LMF2: variants seen among roughly 807,000 people sequenced by gnomAD.
The protein encoded by LMF2 is transmembrane protein 112B.
LMF2 carries 113 observed loss-of-function variants against 81.5 expected under a neutral mutation model. The observed-to-expected ratio is 1.39, with a 90% CI of 1.19 to 1.62. LMF2 has a LOEUF of 1.62. Among genes scored for constraint, LMF2 ranks in the 40% most tolerant of loss-of-function variants. LMF2 has a pLI of 0.00. For missense variants in LMF2, 1,235 were observed against 929.1 expected, an observed-to-expected ratio of 1.33 and a Z score of -4.28; for synonymous variants, 645 against 424.5, an observed-to-expected ratio of 1.52 and a Z score of -6.39.
rs1045747247 is a variant in LMF2, at chr22:50,505,533, C to G, written c.921G>C (p.Trp307Cys). ...ACAGGGTGGCCAGCAGGGCCTTGGG[C>G]CAGGCTGTGGGGCAGGACAGTCATG... The part of the protein sequence containing the change: ...HGSRKKTATS[W>C]PKALLATLSL... The change falls in exon 7 of 14, where the codon TGG (tryptophan) becomes TGC (cysteine). Residue 307 changes from tryptophan (W) to cysteine (C), a missense_variant. Physicochemically the swap from Trp to Cys is radical, Grantham distance 215. Transcript: ENST00000474879. 3.7e-6 allele frequency: 6 copies of G among 1,612,414 alleles called. No homozygotes were observed. In the South Asian group the frequency reaches 6.6e-5, roughly 18 times the overall value.
chr22:50,504,800 A>G lies in LMF2; in HGVS notation c.1437+2T>C, dbSNP rs746700513. The G allele has an allele frequency of 2.3e-5, 37 of 1,604,088 alleles. No homozygotes were observed. In the East Asian group the frequency reaches 8.1e-4, roughly 35 times the overall value. On this transcript the variant is annotated splice_donor_variant, in intron 10 of 13. Coordinates refer to ENST00000474879, the MANE Select transcript of LMF2 (RefSeq NM_033200.3). LOFTEE classifies it high-confidence loss of function. The stretch of plus-strand genomic sequence containing the variant: ...CACCCTGCCCGCCCTGGGAGGGCTC[A>G]CCGTCCAGTGGTGGCCGTCGTAACT...
In LMF2 at chr22:50,505,063, A is replaced by C; in HGVS notation, c.1248T>G (p.Ile416Met). 6.2e-7 allele frequency: 1 copy of C among 1,612,940 alleles called. No homozygotes were observed. The highest frequency in any genetic ancestry group is 1.1e-5 in the South Asian group (1 of 91,086). Residue 416 changes from isoleucine to methionine, a missense_variant, in exon 9 of 14, where the codon ATT becomes ATG. By Grantham distance (10) the Ile-to-Met change is conservative. Transcript: ENST00000474879. Reference protein sequence around the residue: ...VGTATVALFLISLVPYSYVEP... With the variant: ...VGTATVALFLMSLVPYSYVEP... ...GCCCTGCAGCGCTACCCACCAGGCT[A>C]ATCAGGAACAAGGCCACGGTCGCAG...
rs779910173 is a variant in LMF2 at position 50,507,702 on chromosome 22, G to C, written c.-27C>G. On this transcript the variant is annotated 5_prime_UTR_variant, in exon 1 of 14. Transcript: ENST00000474879. ...TCCGCTACGCGGCCCGCTAGAGCAG[G>C]GCCCGCCCTCCGCGTCCGCCCGCCC... 45 of 1,515,396 alleles carry C rather than the reference G, an allele frequency of 3.0e-5. No individual in the cohort carries two copies. Among genetic ancestry groups the C allele is most frequent in the Non-Finnish European group, 3.9e-5 (44 of 1,129,512 alleles). The allele number at this position is 1,515,396 out of a possible 1,614,324, so 93.9% of individuals were successfully genotyped here.
Position 50,503,115 on chromosome 22 carries a change from A to G in LMF2, c.*276T>C. Reference sequence around the variant, plus strand: ...GGGGGCTCTAGACTCAGACCCCCACAGCCCAGGGCAGGGGAAGGGTCTTGA... The same window carrying G: ...GGGGGCTCTAGACTCAGACCCCCACGGCCCAGGGCAGGGGAAGGGTCTTGA... On this transcript the variant is annotated 3_prime_UTR_variant, in exon 14 of 14. Coordinates refer to ENST00000474879, the MANE Select transcript of LMF2 (RefSeq NM_033200.3). 2.3e-6 allele frequency: 1 copy of G among 438,094 alleles called. No individual in the cohort carries two copies. The highest frequency in any genetic ancestry group is 3.1e-5 in the South Asian group (1 of 31,906). 27.1% of individuals were successfully genotyped at this position (438,094 alleles called of 1,614,324 possible). A position where few individuals can be genotyped will look rare whatever the true frequency, so the allele number is the denominator to read the frequency against.
chr22:50,504,834 G>A lies in LMF2; in HGVS notation c.1405C>T (p.Leu469=), dbSNP rs201594904. ...TGLGGRPEVV[L]EGSYDGHHWT... Reference sequence around the variant, plus strand: ...TGGTGGCCGTCGTAACTGCCCTCCAGCACCACCTCAGGCCGTCCACCAAGC... The same window carrying A: ...TGGTGGCCGTCGTAACTGCCCTCCAACACCACCTCAGGCCGTCCACCAAGC... The change falls in exon 10 of 14, where the codon CTG becomes TTG. Residue 469 remains leucine, a synonymous_variant. Transcript: ENST00000474879. 41 of 1,609,264 alleles carry A rather than the reference G, an allele frequency of 2.5e-5. No individual in the cohort carries two copies. The African/African-American group carries it at 3.7e-4, about 15-fold the overall frequency.
At position 50,506,798 on chromosome 22, in the gene LMF2, T is replaced by C. The variant is rs1404903585; in HGVS notation, c.332A>G (p.Tyr111Cys). 2.2e-5 allele frequency: 35 copies of C among 1,612,312 alleles called. No individual in the cohort carries two copies. The highest frequency in any genetic ancestry group is 2.7e-5 in the Non-Finnish European group (32 of 1,179,490). The change falls in exon 2 of 14, where the codon TAC becomes TGC. Residue 111 changes from tyrosine to cysteine, a missense_variant. Physicochemically the swap from Tyr to Cys is radical, Grantham distance 194. Coordinates refer to ENST00000474879, the MANE Select transcript of LMF2 (RefSeq NM_033200.3). ...CCCACTTGCCTGGCAGGCTGACAGG[T>C]AGGCGGCCCAAAGCAGCAAGTAGAT... Reference protein sequence around the residue: ...PVIYLLLWAAYLSACQVGQVF... With the variant: ...PVIYLLLWAACLSACQVGQVF...
intron 6 of LMF2, 31 bp downstream of exon 6, chr22:50,505,643 G>A (rs761508323): frequency 1.1e-5 from 18 of 1,611,612 alleles, no homozygotes; most frequent in Non-Finnish European, 1.5e-5. Flanking sequence ...GAACCCCTGG[G>A]AGGGCAGGGG....
rs367900609 is a variant in LMF2 at position 50,504,274 on chromosome 22, A to AC, written c.1718+65dup. 2 of 590,390 alleles carry AC rather than the reference A, an allele frequency of 3.4e-6. 1 individual carries two copies. Among genetic ancestry groups the AC allele is most frequent in the South Asian group, 4.2e-5 (2 of 48,024 alleles). The allele number at this position is 590,390 out of a possible 1,614,324, so 36.6% of individuals were successfully genotyped here. A position where few individuals can be genotyped will look rare whatever the true frequency, so the allele number is the denominator to read the frequency against. On this transcript the variant is annotated intron_variant, in intron 12 of 13. Coordinates refer to ENST00000474879, the MANE Select transcript of LMF2 (RefSeq NM_033200.3). ...CTTACCCCTGCACCCCGGGCTCCAC[A>AC]CCCCCCGGTGCCCGGCCTTACCCCT...
chr22:50,505,982 G>C, intron 5 of LMF2, 53 bp downstream of exon 5: 1 of 1,560,708 alleles, frequency 6.4e-7, no homozygotes, highest in Non-Finnish European at 8.7e-7. Flanking sequence ...GCTGAGCAGC[G>C]CTGAAGGCCG....
Position 50,503,716 on chromosome 22 carries a change from G to GCCT in LMF2, c.1816-18_1816-17insAGG. 6.3e-7 allele frequency: 1 copy of GCCT among 1,575,778 alleles called. No homozygotes were observed. The highest frequency in any genetic ancestry group is 8.6e-7 in the Non-Finnish European group (1 of 1,161,190). Reference sequence around the variant, plus strand: ...GCTTTTCTCCTGTGGGAGGGAGGGAGGGAGGGAGGTTGGGGAAGTGCTTAC... The same window carrying GCCT: ...GCTTTTCTCCTGTGGGAGGGAGGGAGCCTGGAGGGAGGTTGGGGAAGTGCTTAC... On this transcript the variant is annotated splice_polypyrimidine_tract_variant and intron_variant, in intron 13 of 13. Coordinates refer to ENST00000474879, the MANE Select transcript of LMF2 (RefSeq NM_033200.3).
Position 50,504,372 on chromosome 22 carries a change from G to A in LMF2, c.1686C>T (p.Tyr562=). The part of the protein sequence containing the change: ...QPPTYVRAQR[Y]KYWFSQPGEQ... ...CCCCAGGCTGGGAGAACCAGTACTT[G>A]TAGCGCTGGGCTCGGACGTAGGTGG... is the stretch of plus-strand genomic sequence containing the variant. The change falls in exon 12 of 14, where the codon TAC becomes TAT. Residue 562 remains tyrosine, a synonymous_variant. Transcript: ENST00000474879. The A allele has an allele frequency of 1.2e-6, 2 of 1,612,224 alleles. No homozygotes were observed. Among genetic ancestry groups the A allele is most frequent in the Non-Finnish European group, 1.7e-6 (2 of 1,179,620 alleles).
rs1569518353 is a variant in LMF2 at position 50,505,238 on chromosome 22, G to A, written c.1148C>T (p.Ala383Val). Residue 383 changes from alanine (A) to valine (V), a missense_variant, in exon 8 of 14, where the codon GCC (alanine) becomes GTC (valine). By Grantham distance (64) the Ala-to-Val change is moderately conservative (BLOSUM62 0). Transcript: ENST00000474879. ...VASLVWELLS[A>V]LWRWTQVRGW... ...TTCCTGGGCCATGTACCTCCACAGGGCACTCAGCAGCTCCCAGACCAGGGA... is the reference window on the plus strand; with the variant it reads ...TTCCTGGGCCATGTACCTCCACAGGACACTCAGCAGCTCCCAGACCAGGGA... 2 of 1,613,080 alleles carry A rather than the reference G, an allele frequency of 1.2e-6. No individual in the cohort carries two copies. The highest frequency in any genetic ancestry group is 1.7e-6 in the Non-Finnish European group (2 of 1,179,974).
chr22:50,507,661 C>G lies in LMF2; in HGVS notation c.15G>C (p.Arg5=), dbSNP rs2068634027. The G allele has an allele frequency of 6.5e-7, 1 of 1,549,882 alleles. No homozygotes were observed. Among genetic ancestry groups the G allele is most frequent in the Non-Finnish European group, 8.7e-7 (1 of 1,147,150 alleles). ...CCTGGAGGAAGAGCTGCCGCGGGAG[C>G]CGGGAGCCCGCCATGTCCGCTACGC... The part of the protein sequence containing the change: MAGS[R]LPRQLFLQGV... Residue 5 remains arginine, a synonymous_variant, in exon 1 of 14, where the codon CGG becomes CGC. Coordinates refer to ENST00000474879, the MANE Select transcript of LMF2 (RefSeq NM_033200.3).
Position 50,503,284 on chromosome 22 carries a change from G to A in LMF2, c.*107C>T. 4 of 1,226,210 alleles carry A rather than the reference G, an allele frequency of 3.3e-6. No homozygotes were observed. The highest frequency in any genetic ancestry group is 3.4e-6 in the Non-Finnish European group (3 of 881,012). The allele number at this position is 1,226,210 out of a possible 1,614,324, so 76.0% of individuals were successfully genotyped here. A position where few individuals can be genotyped will look rare whatever the true frequency, so the allele number is the denominator to read the frequency against. On this transcript the variant is annotated 3_prime_UTR_variant, in exon 14 of 14. Coordinates refer to ENST00000474879, the MANE Select transcript of LMF2 (RefSeq NM_033200.3). ...AGGGGCAGCCCCCCAACCTGTGCCTGGCCCTGCAGGGTCAGCTAAGGCACA... is the reference window on the plus strand; with the variant it reads ...AGGGGCAGCCCCCCAACCTGTGCCTAGCCCTGCAGGGTCAGCTAAGGCACA...
At chr22:50,507,513 G>C in intron 1 of LMF2, 69 bp downstream of exon 1, 2 of 1,213,450 alleles carry the variant, frequency 1.6e-6, no homozygotes, top group South Asian at 2.6e-5. Context: ...CGTGAGTGCC[G>C]GGCACAGAGA....
rs774259974 is a variant in LMF2 at position 50,504,730 on chromosome 22, G to A, written c.1438-3C>T. ...GGCTTGTACATGAACTCGATCTCCT[G>A]CCAGGCAGGCCGAGGTCAGCTGGGC... is the stretch of plus-strand genomic sequence containing the variant. On this transcript the variant is annotated splice_polypyrimidine_tract_variant and splice_region_variant and intron_variant, in intron 10 of 13. Coordinates refer to ENST00000474879, the MANE Select transcript of LMF2 (RefSeq NM_033200.3). 4 of 1,609,172 alleles carry A rather than the reference G, an allele frequency of 2.5e-6. No homozygotes were observed. In the South Asian group the frequency reaches 3.3e-5, roughly 13 times the overall value.
Position 50,507,124 on chromosome 22 carries a change from G to C in LMF2, c.95-89C>G, listed in dbSNP as rs974923684. 167 of 1,493,766 alleles carry C rather than the reference G, an allele frequency of 1.1e-4. 3 individuals are homozygous for C. In the South Asian group the frequency reaches 2.1e-3, roughly 19 times the overall value. 92.5% of individuals were successfully genotyped at this position (1,493,766 alleles called of 1,614,324 possible). ...CAGGGCCTGCAGATCCCCCAGCCTA[G>C]GTCAGAGCATGCGGATACCTCCATC... On this transcript the variant is annotated intron_variant, in intron 1 of 13. Coordinates refer to ENST00000474879, the MANE Select transcript of LMF2 (RefSeq NM_033200.3).
At chr22:50,506,533 C>T (rs756449190) in intron 3 of LMF2, 31 bp from the exon 4 acceptor site, 9 of 1,569,282 alleles carry the variant, frequency 5.7e-6, no homozygotes, top group Non-Finnish European at 6.0e-6. Context: ...ACCAAGAGCC[C>T]CTCCCCACAC....
In LMF2 at chr22:50,505,478, G is replaced by A. The variant is rs145130809; in HGVS notation, c.976C>T (p.Leu326Phe). 2.7e-3 allele frequency: 4,387 copies of A among 1,612,914 alleles called. 11 individuals are homozygous for A. Among genetic ancestry groups the A allele is most frequent in the Non-Finnish European group, 2.9e-3 (3,423 of 1,180,020 alleles). The part of the protein sequence containing the change: ...SLLLELAVYG[L>F]LAYGTVHYFG... ...TAGTGCACAGTGCCATAGGCCAGAA[G>A]CCCGTAGACGGCTAGTTCCAGCAGC... Residue 326 changes from leucine to phenylalanine, a missense_variant, in exon 7 of 14, where the codon CTT becomes TTT. Coordinates refer to ENST00000474879, the MANE Select transcript of LMF2 (RefSeq NM_033200.3).
Sources: allele counts gnomAD v4.1 joint callset, GRCh38; gene constraint gnomAD v4.1.1; transcripts MANE v1.5; gene names NCBI Gene and HGNC (gene_info 2026-07-23, HGNC 2026-07-21).